Variants in PREX1 observed in about 807,000 individuals in gnomAD.
PREX1 encodes phosphatidylinositol 3,4,5-trisphosphate-dependent Rac exchanger 1 protein.
In PREX1, 41 loss-of-function variants were observed where a neutral mutation model predicts 198.3. The ratio of observed to expected loss-of-function variants is 0.21; its 90% confidence interval spans 0.16 to 0.27. The LOEUF (loss-of-function observed/expected upper bound fraction) is 0.27, where lower values mean the gene tolerates loss of function less well. Among genes scored for constraint, PREX1 ranks in the 10% least tolerant of loss-of-function variants. PREX1 has a pLI of 1.00. For missense variants in PREX1, 1,620 were observed against 2,200.7 expected (o/e 0.74, Z 5.28); for synonymous variants, 843 against 887.2 (o/e 0.95, Z 0.89).
chr20:48,759,057 A>C (rs1020965432), intron 1 of PREX1, among the ~76,000 whole-genome samples: 2 of 152,034 alleles, frequency 1.3e-5, no homozygotes, highest in South Asian at 4.1e-4. Flanking sequence ...CTAGAAGGGC[A>C]CTGTATCTCC....
At chr20:48,795,809 C>T (rs1568867163) in intron 1 of PREX1, among the ~76,000 whole-genome samples, 1 of 152,188 alleles carries the variant, frequency 6.6e-6, no homozygotes, top group African/African-American at 2.4e-5. Flanking sequence ...TACGTTTACC[C>T]TCAGGGACCC....
At chr20:48,654,504 C>T (rs758145228) in intron 19 of PREX1, among the ~76,000 whole-genome samples, 10 of 152,190 alleles carry the variant, frequency 6.6e-5, no homozygotes, top group Non-Finnish European at 1.2e-4. Flanking sequence ...CCGCCAGAAA[C>T]ACCCCCTCCC....
chr20:48,860,977 T>G, the PREX1 span, among the ~76,000 whole-genome samples: 1 of 150,590 alleles, frequency 6.6e-6, no homozygotes, highest in African/African-American at 2.4e-5. Flanking sequence ...CAAAAGAAAA[T>G]AAAAGAAAAA....
intron 1 of PREX1, among the ~76,000 whole-genome samples, chr20:48,812,592 T>C (rs544648326): frequency 2.8e-4 from 42 of 152,236 alleles, no homozygotes; most frequent in Non-Finnish European, 4.9e-4. Context: ...ATAGCTAATA[T>C]ATATGGAATG....
the PREX1 span, among the ~76,000 whole-genome samples, chr20:48,872,694 C>T: frequency 6.6e-6 from 1 of 151,998 alleles, no homozygotes; most frequent in Non-Finnish European, 1.5e-5. Context: ...TGCAGTGAGC[C>T]GAGATCGTGT....
chr20:48,647,519 C>CA (rs765244255), intron 25 of PREX1, among the ~76,000 whole-genome samples: 11,410 of 48,922 alleles, frequency 0.23, 1,695 homozygotes, highest in African/African-American at 0.44. Flanking sequence ...GACAACATCT[C>CA]AAAAAAAAAA....
the PREX1 span, among the ~76,000 whole-genome samples, chr20:48,877,985 T>G: frequency 2.0e-5 from 3 of 152,166 alleles, no homozygotes; most frequent in Non-Finnish European, 4.4e-5. Context: ...GGTGTATGCC[T>G]ATAATCCCAG....
At chr20:48,769,862 C>T (rs1020484839) in intron 1 of PREX1, among the ~76,000 whole-genome samples, 1 of 152,218 alleles carries the variant, frequency 6.6e-6, no homozygotes, top group African/African-American at 2.4e-5. Context: ...GAGAACACTA[C>T]AAATTTTCCT....
At chr20:48,816,759 A>G (rs1334734720) in intron 1 of PREX1, among the ~76,000 whole-genome samples, 4 of 152,094 alleles carry the variant, frequency 2.6e-5, no homozygotes, top group Non-Finnish European at 5.9e-5. Flanking sequence ...GATCCCTCCC[A>G]TGCCCCACAC....
chr20:48,815,057 A>G (rs1204360838), intron 1 of PREX1, among the ~76,000 whole-genome samples: 1 of 152,240 alleles, frequency 6.6e-6, no homozygotes, highest in African/African-American at 2.4e-5. Context: ...AGTATTTCAT[A>G]ATGATAAAAG....
At chr20:48,716,825 T>C (rs909977053) in intron 5 of PREX1, among the ~76,000 whole-genome samples, 9 of 151,946 alleles carry the variant, frequency 5.9e-5, no homozygotes, top group African/African-American at 2.2e-4. Context: ...GGTACACTGG[T>C]CACACACAGG....
At chr20:48,695,876 T>C (rs2123056227) in intron 7 of PREX1, among the ~76,000 whole-genome samples, 1 of 152,372 alleles carries the variant, frequency 6.6e-6, no homozygotes, top group East Asian at 1.9e-4. Context: ...TCTGCCCTTA[T>C]GGCATCAAAG....
chr20:48,729,002 G>T (rs2090021648), intron 4 of PREX1, among the ~76,000 whole-genome samples: 2 of 152,106 alleles, frequency 1.3e-5, no homozygotes, highest in African/African-American at 4.8e-5. Context: ...CCTAATGGCA[G>T]CACGTTCCTG....
At chr20:48,855,511 T>A in the PREX1 span, among the ~76,000 whole-genome samples, 2 of 152,114 alleles carry the variant, frequency 1.3e-5, no homozygotes, top group Non-Finnish European at 1.5e-5. Context: ...TCTGTTCCAG[T>A]CATCTGTTAG....
intron 5 of PREX1, among the ~76,000 whole-genome samples, chr20:48,715,687 A>G (rs1355193942): frequency 6.6e-6 from 1 of 152,212 alleles, no homozygotes; most frequent in Non-Finnish European, 1.5e-5. Context: ...CATCATCGTC[A>G]TTATGTCTGT....
intron 26 of PREX1, 137 bp downstream of exon 26, chr20:48,645,714 C>G: frequency 1.0e-6 from 1 of 995,044 alleles, no homozygotes; most frequent in South Asian, 1.6e-5. Context: ...CCCCCAGAAC[C>G]ACGCTATCAG....
At chr20:48,806,275 CA>C (rs926629581) in intron 1 of PREX1, among the ~76,000 whole-genome samples, 4 of 152,134 alleles carry the variant, frequency 2.6e-5, no homozygotes, top group Admixed American at 1.3e-4. Flanking sequence ...GTCCATTCAT[CA>C]AATCTAGGGC....
chr20:48,837,874 G>GA, the PREX1 span, among the ~76,000 whole-genome samples: 31 of 136,402 alleles, frequency 2.3e-4, 1 homozygote, highest in African/African-American at 3.2e-4. Flanking sequence ...AAAATTGAAA[G>GA]AAAAAAAAAA....
chr20:48,786,097 C>G (rs1307737629), intron 1 of PREX1, among the ~76,000 whole-genome samples: 1 of 151,966 alleles, frequency 6.6e-6, no homozygotes, highest in Non-Finnish European at 1.5e-5. Flanking sequence ...GAGGAGCAGC[C>G]AGGGGCCAGG....
Sources: gnomAD v4.1 joint callset for allele counts (sites outside exome capture counted in the v4.1 genomes callset) on GRCh38, gnomAD v4.1.1 for gene constraint, MANE v1.5 for transcripts, NCBI Gene and HGNC (gene_info 2026-07-23, HGNC 2026-07-21) for gene names.